Variants in CHD1L observed in about 807,000 individuals in gnomAD.
CHD1L encodes the protein ATP-dependent chromatin remodeler CHD1L.
In CHD1L, 118 loss-of-function variants were observed where a neutral mutation model predicts 115.9. The ratio of observed to expected loss-of-function variants is 1.02; its 90% confidence interval spans 0.88 to 1.19. The LOEUF is 1.19. CHD1L is among the 50% of genes most tolerant of loss of function. The pLI is 0.00. For synonymous variants in CHD1L, 411 were observed against 387.1 expected, an observed-to-expected ratio of 1.06 and a Z score of -0.72; for missense variants, 1,179 against 1,065.3, an observed-to-expected ratio of 1.11 and a Z score of -1.49.
At chr1:147,220,912 C>A in the CHD1L span, among the ~76,000 whole-genome samples, 1 of 141,360 alleles carries the variant, frequency 7.1e-6, no homozygotes, top group African/African-American at 2.7e-5. Flanking sequence ...TAATTTCTTA[C>A]TTATAATAAC....
At chr1:147,273,101 G>C (rs1553954674) in intron 12 of CHD1L, among the ~76,000 whole-genome samples, 1 of 152,094 alleles carries the variant, frequency 6.6e-6, no homozygotes, top group African/African-American at 2.4e-5. Flanking sequence ...TACTACGGAG[G>C]CTGAGGCAGG....
At chr1:147,269,379 C>T (rs77410359) in intron 10 of CHD1L, among the ~76,000 whole-genome samples, 2,278 of 152,064 alleles carry the variant, frequency 0.015, 26 homozygotes, top group Non-Finnish European at 0.023. Context: ...CATTAGAAGA[C>T]GAGGTTCAGA....
chr1:147,233,144 G>C, the CHD1L span, among the ~76,000 whole-genome samples: 4 of 151,646 alleles, frequency 2.6e-5, no homozygotes, highest in Admixed American at 2.6e-4. Context: ...GCCTCTGCCC[G>C]GCTGCGACCC....
chr1:147,203,672 T>C, the CHD1L span: 4 of 1,454,746 alleles, frequency 2.7e-6, no homozygotes, highest in African/African-American at 4.2e-5. Flanking sequence ...TGTGATCTGT[T>C]TGGCTAATTC....
intron 20 of CHD1L, among the ~76,000 whole-genome samples, chr1:147,293,168 G>A (rs1553972114): frequency 6.6e-6 from 1 of 152,064 alleles, no homozygotes; most frequent in Non-Finnish European, 1.5e-5. Flanking sequence ...GAGATACTTG[G>A]CATTTTGTCC....
chr1:147,276,147 G>C lies in CHD1L; in HGVS notation c.1429G>C (p.Glu477Gln), dbSNP rs372861864. Residue 477 changes from glutamate (E) to glutamine (Q), a missense_variant, in exon 14 of 23, where the codon GAA becomes CAA. By Grantham distance (29) the Glu-to-Gln change is conservative (BLOSUM62 2). Coordinates refer to ENST00000369258, the MANE Select transcript of CHD1L (RefSeq NM_004284.6). Reference protein sequence around the residue: ...IRLIGRDTVEEIVYRKAASKL... With the variant: ...IRLIGRDTVEQIVYRKAASKL... ...GCTGATTGGTCGAGACACTGTGGAA[G>C]AAATAGTCTATAGGAAAGCAGCCTC... 2 of 1,614,044 alleles carry C rather than the reference G, an allele frequency of 1.2e-6. No individual in the cohort carries two copies. Among genetic ancestry groups the C allele is most frequent in the Non-Finnish European group, 1.7e-6 (2 of 1,180,022 alleles).
intron 14 of CHD1L, among the ~76,000 whole-genome samples, chr1:147,276,569 A>G (rs1678561612): frequency 6.6e-6 from 1 of 152,230 alleles, no homozygotes; most frequent in African/African-American, 2.4e-5. Context: ...TAGTTAAAAT[A>G]AAGAACTCAA....
the CHD1L span, chr1:147,203,626 G>T: frequency 8.0e-7 from 1 of 1,244,872 alleles, no homozygotes; most frequent in Non-Finnish European, 1.2e-6. Flanking sequence ...TCTTAATAGC[G>T]TACTGTTCAA....
chr1:147,213,815 A>G, the CHD1L span, among the ~76,000 whole-genome samples: 10 of 152,080 alleles, frequency 6.6e-5, no homozygotes, highest in Non-Finnish European at 1.5e-4. Flanking sequence ...CTAAATGCCT[A>G]TTCTTCTCCT....
chr1:147,270,978 A>G lies in CHD1L; in HGVS notation c.1132A>G (p.Ile378Val). Residue 378 changes from isoleucine to valine, a missense_variant, in exon 11 of 23, where the codon ATT becomes GTT. Coordinates refer to ENST00000369258, the MANE Select transcript of CHD1L (RefSeq NM_004284.6). ...CTCCCAAATGACCCAGATGTTGGAT[A>G]TTCTCCAAGACTATATGGATTACAG... ...LFSQMTQMLD[I>V]LQDYMDYRGY... 1 of 1,614,046 alleles carries G rather than the reference A, an allele frequency of 6.2e-7. No homozygotes were observed. Among genetic ancestry groups the G allele is most frequent in the Non-Finnish European group, 8.5e-7 (1 of 1,179,956 alleles).
chr1:147,223,987 C>T, the CHD1L span: 3 of 420,168 alleles, frequency 7.1e-6, no homozygotes, highest in Non-Finnish European at 1.4e-5. Flanking sequence ...CAATCACCAC[C>T]TTGGTGGAGA....
chr1:147,247,750 C>G (rs1667073249), intron 1 of CHD1L, among the ~76,000 whole-genome samples: 1 of 152,008 alleles, frequency 6.6e-6, no homozygotes, highest in Non-Finnish European at 1.5e-5. Context: ...AGCTGCATTC[C>G]TTTCTGGAGG....
the CHD1L span, chr1:147,210,846 A>G: frequency 6.6e-6 from 1 of 152,230 alleles, no homozygotes; most frequent in Admixed American, 6.5e-5. Flanking sequence ...AATCAGATTT[A>G]TAAGGAAAAT....
chr1:147,196,046 A>T, the CHD1L span, among the ~76,000 whole-genome samples: 44 of 152,274 alleles, frequency 2.9e-4, no homozygotes, highest in Middle Eastern at 0.017. Context: ...ACAGCTCTTG[A>T]AACATTTGGA....
the CHD1L span, chr1:147,173,006 G>A: frequency 1.3e-5 from 2 of 152,488 alleles, no homozygotes; most frequent in Non-Finnish European, 1.5e-5. Flanking sequence ...CATTGCTGGA[G>A]GTTAAAACTG....
At chr1:147,201,557 A>G in the CHD1L span, 1 of 1,422,656 alleles carries the variant, frequency 7.0e-7, no homozygotes, top group African/African-American at 1.4e-5. Context: ...AGAAATCAGT[A>G]CCACATAAGT....
At chr1:147,211,720 T>C in the CHD1L span, among the ~76,000 whole-genome samples, 1 of 152,188 alleles carries the variant, frequency 6.6e-6, no homozygotes, top group East Asian at 1.9e-4. Context: ...GACACTTGCT[T>C]CTCAGTTCAA....
intron 10 of CHD1L, among the ~76,000 whole-genome samples, chr1:147,270,690 T>C (rs12026756): frequency 0.68 from 102,883 of 151,928 alleles, 34,929 homozygotes; most frequent in African/African-American, 0.7. Context: ...TTGACACGTC[T>C]CCTGGGAATA....
chr1:147,290,827 T>C (rs1264062997), intron 19 of CHD1L, among the ~76,000 whole-genome samples: 1 of 151,928 alleles, frequency 6.6e-6, no homozygotes, highest in African/African-American at 2.4e-5. Flanking sequence ...CTTTTTCTTA[T>C]TTTTTGTAGA....
Sources: allele counts gnomAD v4.1 joint callset (sites outside exome capture counted in the v4.1 genomes callset), GRCh38; gene constraint gnomAD v4.1.1; transcripts MANE v1.5; gene names NCBI Gene and HGNC (gene_info 2026-07-23, HGNC 2026-07-21).